The following PDGFD variants were observed in gnomAD, a reference collection of about 807,000 sequenced individuals.
PDGFD encodes platelet-derived growth factor D.
In PDGFD, 30 loss-of-function variants were observed where a neutral mutation model predicts 44.7. The ratio of observed to expected loss-of-function variants is 0.67; its 90% CI spans 0.50 to 0.91. The LOEUF is 0.91. Among genes scored for constraint, PDGFD ranks in the 40% least tolerant of loss-of-function variants. The pLI is 0.00. For missense variants in PDGFD, 445 were observed against 457.8 expected, an observed-to-expected ratio of 0.97 and a Z score of 0.25; for synonymous variants, 173 against 168.4, an observed-to-expected ratio of 1.03 and a Z score of -0.21.
intron 5 of PDGFD, among the ~76,000 whole-genome samples, chr11:103,934,521 C>T (rs1385991085): frequency 3.9e-5 from 6 of 152,144 alleles, no homozygotes; most frequent in Non-Finnish European, 8.8e-5. Flanking sequence ...AAGAAACACC[C>T]AAGACTGGGT....
intron 5 of PDGFD, among the ~76,000 whole-genome samples, chr11:103,938,325 T>C (rs944015685): frequency 2.6e-4 from 39 of 152,258 alleles, no homozygotes; most frequent in Non-Finnish European, 5.3e-4. Flanking sequence ...TATTTTTTCA[T>C]GTGTTTTTTG....
intron 1 of PDGFD, among the ~76,000 whole-genome samples, chr11:104,056,853 G>C (rs1274225480): frequency 1.3e-5 from 2 of 152,064 alleles, no homozygotes; most frequent in African/African-American, 4.8e-5. Flanking sequence ...AAACCGGCTG[G>C]GCATGGTGGC....
intron 1 of PDGFD, among the ~76,000 whole-genome samples, chr11:104,030,383 C>T (rs1039367669): frequency 1.3e-5 from 2 of 152,130 alleles, no homozygotes; most frequent in African/African-American, 4.8e-5. Flanking sequence ...GGCTGAAGGG[C>T]AATGAAATGC....
intron 3 of PDGFD, among the ~76,000 whole-genome samples, chr11:103,989,568 G>A (rs1229560302): frequency 6.6e-6 from 1 of 152,186 alleles, no homozygotes; most frequent in African/African-American, 2.4e-5. Flanking sequence ...ATGGGACAGT[G>A]AAGAATGAAA....
chr11:104,056,519 G>A (rs1268974503), intron 1 of PDGFD, among the ~76,000 whole-genome samples: 2 of 151,938 alleles, frequency 1.3e-5, no homozygotes, highest in African/African-American at 2.4e-5. Flanking sequence ...GAGACACAAC[G>A]GAGAAGGCCA....
chr11:104,044,726 G>A (rs905081847), intron 1 of PDGFD, among the ~76,000 whole-genome samples: 12 of 152,104 alleles, frequency 7.9e-5, no homozygotes, highest in Non-Finnish European at 1.5e-4. Flanking sequence ...AGTTTGCCTG[G>A]GACTGTCCTG....
intron 1 of PDGFD, among the ~76,000 whole-genome samples, chr11:104,012,911 C>T (rs1254034268): frequency 6.6e-6 from 1 of 152,200 alleles, no homozygotes; most frequent in East Asian, 1.9e-4. Context: ...TAGAAGAGCA[C>T]GTTTCCCCTG....
chr11:104,057,069 A>G (rs1165777073), intron 1 of PDGFD, among the ~76,000 whole-genome samples: 1 of 152,210 alleles, frequency 6.6e-6, no homozygotes, highest in Non-Finnish European at 1.5e-5. Context: ...CGGAGATTGC[A>G]GTGAGCCCAG....
intron 5 of PDGFD, among the ~76,000 whole-genome samples, chr11:103,934,662 CATGT>C (rs1429131108): frequency 6.6e-6 from 1 of 152,132 alleles, no homozygotes; most frequent in Admixed American, 6.6e-5. Flanking sequence ...GGAGGGAGAG[CATGT>C]GTGCAAGTGT....
intron 1 of PDGFD, among the ~76,000 whole-genome samples, chr11:104,099,020 G>A (rs1861328912): frequency 6.6e-6 from 1 of 152,118 alleles, no homozygotes. Flanking sequence ...TGAAATAAAA[G>A]AATAATATCT....
chr11:104,027,327 A>C lies in PDGFD; in HGVS notation c.125-27072T>G, dbSNP rs962164247. Among the ~76,000 whole-genome samples the C allele has an allele frequency of 7.2e-5, 11 of 152,168 alleles. No individual in the cohort carries two copies. The East Asian group carries it at 1.3e-3, about 19-fold the overall frequency. ...AATAAGGAGTTAAAAATTAATCTAC[A>C]TGTGTTATTTAGCATTTATAAATTC... On this transcript the variant is annotated intron_variant, in intron 1 of 6. Transcript: ENST00000393158.
intron 1 of PDGFD, among the ~76,000 whole-genome samples, chr11:104,103,906 A>G (rs968384377): frequency 6.6e-6 from 1 of 152,084 alleles, no homozygotes; most frequent in African/African-American, 2.4e-5. Flanking sequence ...TTTTAAAGTT[A>G]ACTGTAAAAC....
At chr11:104,058,660 CAG>C (rs1445255609) in intron 1 of PDGFD, among the ~76,000 whole-genome samples, 3 of 152,166 alleles carry the variant, frequency 2.0e-5, no homozygotes, top group African/African-American at 7.2e-5. Flanking sequence ...AATAACAACA[CAG>C]AGCTATACTC....
chr11:104,095,469 G>T lies in PDGFD; in HGVS notation c.124+68335C>A, dbSNP rs1389482190. On this transcript the variant is annotated intron_variant, in intron 1 of 6. Coordinates refer to ENST00000393158, the MANE Select transcript of PDGFD (RefSeq NM_025208.5). ...TAGGAGGCTGGAGGGAGACTAACAAGCTCCTGCTTTCAGTCACCAAAAGAC... is the reference window on the plus strand; with the variant it reads ...TAGGAGGCTGGAGGGAGACTAACAATCTCCTGCTTTCAGTCACCAAAAGAC... 3.9e-5 allele frequency among the ~76,000 whole-genome samples: 6 copies of T among 152,128 alleles called. No individual in the cohort carries two copies. The East Asian group carries it at 1.2e-3, about 30-fold the overall frequency.
chr11:104,128,572 T>G (rs1861872890), intron 1 of PDGFD, among the ~76,000 whole-genome samples: 2 of 152,170 alleles, frequency 1.3e-5, no homozygotes, highest in Non-Finnish European at 2.9e-5. Flanking sequence ...TTTGCAAGTC[T>G]GTCAAAAACA....
At chr11:103,923,108 G>T (rs1446862158) in intron 6 of PDGFD, among the ~76,000 whole-genome samples, 1 of 152,102 alleles carries the variant, frequency 6.6e-6, no homozygotes, top group Non-Finnish European at 1.5e-5. Context: ...TTCAATAAAT[G>T]AGTACACTTT....
In PDGFD at chr11:103,919,592, T is replaced by C. The variant is rs1003405691; in HGVS notation, c.987+7320A>G. 2.4e-4 allele frequency among the ~76,000 whole-genome samples: 32 copies of C among 131,578 alleles called. No homozygotes were observed. The Admixed American group carries it at 2.7e-3, about 11-fold the overall frequency. 86.3% of individuals were successfully genotyped at this position (131,578 alleles called of 152,430 possible). ...GGTGTGATCCCGGGTCACTGCAACC[T>C]CCACCTCCCGGGTTCAAGTGATTCT... On this transcript the variant is annotated intron_variant, in intron 6 of 6. Transcript: ENST00000393158.
chr11:104,006,597 TGTA>T (rs1859704820), intron 1 of PDGFD, among the ~76,000 whole-genome samples: 1 of 152,120 alleles, frequency 6.6e-6, no homozygotes, highest in South Asian at 2.1e-4. Context: ...CACCCTATCC[TGTA>T]CCCATAATAA....
intron 1 of PDGFD, among the ~76,000 whole-genome samples, chr11:104,099,568 G>A (rs1267187178): frequency 2.0e-5 from 3 of 151,508 alleles, no homozygotes; most frequent in Admixed American, 6.6e-5. Flanking sequence ...GGAGGCAGAG[G>A]TGGCAGTGAG....
Sources: allele counts gnomAD v4.1 joint callset (sites outside exome capture counted in the v4.1 genomes callset), GRCh38; gene constraint gnomAD v4.1.1; transcripts MANE v1.5; gene names NCBI Gene and HGNC (gene_info 2026-07-23, HGNC 2026-07-21).